The following MEGF8 variants were observed in gnomAD, a reference collection of about 807,000 sequenced individuals.
MEGF8 encodes multiple EGF like domains 8, also known as multiple epidermal growth factor-like domains protein 8.
A neutral mutation model predicts 302.9 loss-of-function variants in MEGF8; 156 were observed. The ratio of observed to expected loss-of-function variants is 0.52; its 90% confidence interval spans 0.45 to 0.59. The LOEUF is 0.59. MEGF8 is among the 20% of genes least tolerant of loss of function. MEGF8 has a pLI of 0.00. For synonymous variants in MEGF8, 1,621 were observed against 1,660.5 expected, an observed-to-expected ratio of 0.98 and a Z score of 0.58; for missense variants, 3,345 against 3,964.5, an observed-to-expected ratio of 0.84 and a Z score of 4.20.
In MEGF8 at chr19:42,375,460, G is replaced by T. The variant is rs1160373236; in HGVS notation, c.7270-47G>T. The T allele has an allele frequency of 6.7e-7, 1 of 1,496,082 alleles. No homozygotes were observed. Among genetic ancestry groups the T allele is most frequent in the African/African-American group, 1.4e-5 (1 of 71,886 alleles). The allele number at this position is 1,496,082 out of a possible 1,614,324, so 92.7% of individuals were successfully genotyped here. On this transcript the variant is annotated intron_variant, in intron 41 of 41. Coordinates refer to ENST00000251268, the MANE Select transcript of MEGF8 (RefSeq NM_001271938.2). This position sits in a 1 kb window ranked among gnomAD's most constrained non-coding sequence, Gnocchi z 7.1. ...TCACTGCTGCTTGGGGGACAGGCTG[G>T]CACCGCACTCAGCCCTGATGGTCAC...
chr19:42,366,333 T>G (rs922136646), intron 35 of MEGF8, among the ~76,000 whole-genome samples: 2 of 152,134 alleles, frequency 1.3e-5, no homozygotes, highest in African/African-American at 4.8e-5. Flanking sequence ...CCCAAGCATC[T>G]GGGACTATAG....
rs1442705922 is a variant in MEGF8 at position 42,362,449 on chromosome 19, G to A, written c.5910G>A (p.Gly1970=). ...AAGGTGCTTGCATTGGACGCAATGG[G>A]TCCTGCACCTCTGAGAATGACTGTC... ...CPEGACIGRN[G]SCTSENDCRI... Residue 1970 remains glycine (G), a synonymous_variant, in exon 34 of 42, where the codon GGG becomes GGA. Transcript: ENST00000251268. 6.2e-7 allele frequency: 1 copy of A among 1,614,000 alleles called. No homozygotes were observed. The highest frequency in any genetic ancestry group is 8.5e-7 in the Non-Finnish European group (1 of 1,179,892).
At position 42,370,325 on chromosome 19, in the gene MEGF8, G is replaced by A. The variant is rs377068929; in HGVS notation, c.6971G>A (p.Gly2324Glu). 369 of 1,601,048 alleles carry A rather than the reference G, an allele frequency of 2.3e-4. No homozygotes were observed. The highest frequency in any genetic ancestry group is 2.9e-4 in the Non-Finnish European group (336 of 1,173,434). ...AGGAAGGAGTTACAAATGTCCAAGG[G>A]AGAGCCAAAGAAGTACTCACTGGAC... ...ISRKELQMSK[G>E]EPKKYSLDPE... The change falls in exon 39 of 42, where the codon GGA becomes GAA. Residue 2324 changes from glycine to glutamate, a missense_variant. Transcript: ENST00000251268.
intron 5 of MEGF8, 70 bp downstream of exon 5, chr19:42,335,455 G>T: frequency 7.1e-7 from 1 of 1,414,044 alleles, no homozygotes; most frequent in Non-Finnish European, 1.0e-6. Context: ...CCCCCGGAAT[G>T]ATCCCCTATC....
Position 42,337,090 on chromosome 19 carries a change from A to T in MEGF8, c.1397A>T (p.Asn466Ile). ...LGNYMVVYGG[N>I]VHTHYQEEKC... ...CCCTTTCCTCCATTCCCAGGGGGCA[A>T]TGTGCACACCCATTACCAGGAGGAA... The change falls in exon 8 of 42, where the codon AAT becomes ATT. Residue 466 changes from asparagine (N) to isoleucine (I), a missense_variant. Asn to Ile is a moderately radical substitution (Grantham distance 149, BLOSUM62 -3). Transcript: ENST00000251268. The T allele has an allele frequency of 6.2e-7, 1 of 1,613,940 alleles. No homozygotes were observed. Among genetic ancestry groups the T allele is most frequent in the African/African-American group, 1.3e-5 (1 of 75,028 alleles).
chr19:42,355,185 G>A (rs2039433293), intron 23 of MEGF8, among the ~76,000 whole-genome samples: 1 of 152,114 alleles, frequency 6.6e-6, no homozygotes, highest in Non-Finnish European at 1.5e-5. Context: ...TTGAACTCCT[G>A]ACCTCAAGTG....
rs1427827053 is a variant in MEGF8, at chr19:42,357,603, AG to A, written c.5011+23del. 2.5e-6 allele frequency: 4 copies of A among 1,571,554 alleles called. No individual in the cohort carries two copies. Among genetic ancestry groups the A allele is most frequent in the Non-Finnish European group, 3.4e-6 (4 of 1,160,278 alleles). ...CCCACAGGTGGGGCTGGGGACCGGG[AG>A]GGGACAGCCCCCGTGGACCTCCCGG... On this transcript the variant is annotated intron_variant, in intron 28 of 41. Transcript: ENST00000251268. This position sits in a 1 kb window ranked among gnomAD's most constrained non-coding sequence, Gnocchi z 5.2.
At position 42,326,094 on chromosome 19, in the gene MEGF8, C is replaced by A; in HGVS notation, c.-150C>A. The A allele has an allele frequency of 7.7e-7, 1 of 1,293,896 alleles. No homozygotes were observed. Among genetic ancestry groups the A allele is most frequent in the Non-Finnish European group, 1.0e-6 (1 of 1,000,212 alleles). The allele number at this position is 1,293,896 out of a possible 1,614,324, so 80.2% of individuals were successfully genotyped here. A position where few individuals can be genotyped will look rare whatever the true frequency, so the allele number is the denominator to read the frequency against. Reference sequence around the variant, plus strand: ...TGTCAGCAGTGGCCGTACCCTTCGCCGGGACTGCCGGGTCTCCGGGACCTC... The same window carrying A: ...TGTCAGCAGTGGCCGTACCCTTCGCAGGGACTGCCGGGTCTCCGGGACCTC... On this transcript the variant is annotated 5_prime_UTR_variant, in exon 1 of 42. Transcript: ENST00000251268.
At chr19:42,334,746 C>T (rs563235182) in intron 3 of MEGF8, among the ~76,000 whole-genome samples, 1 of 152,252 alleles carries the variant, frequency 6.6e-6, no homozygotes, top group East Asian at 1.9e-4. Context: ...TGCATCTTTT[C>T]CTTTTTCTGT....
rs760920640 is a variant in MEGF8 at position 42,370,674 on chromosome 19, A to G, written c.7006-27A>G. 10 of 1,583,958 alleles carry G rather than the reference A, an allele frequency of 6.3e-6. No homozygotes were observed. In the South Asian group the frequency reaches 8.1e-5, roughly 13 times the overall value. On this transcript the variant is annotated intron_variant, in intron 39 of 41. Coordinates refer to ENST00000251268, the MANE Select transcript of MEGF8 (RefSeq NM_001271938.2). ...GGAGGGGGTTGGTCCAGGCCTTTCT[A>G]TGATCACACTGTCCTTCCTTGGCCA...
At chr19:42,334,873 C>G (rs528209366) in intron 3 of MEGF8, among the ~76,000 whole-genome samples, 162 bp from the exon 4 acceptor site, 31 of 152,164 alleles carry the variant, frequency 2.0e-4, no homozygotes, top group African/African-American at 7.5e-4. Context: ...CTTTCTCTCT[C>G]TCTCTTTCCT....
At position 42,351,704 on chromosome 19, in the gene MEGF8, G is replaced by T; in HGVS notation, c.3044G>T (p.Cys1015Phe). The T allele has an allele frequency of 6.3e-7, 1 of 1,596,314 alleles. No individual in the cohort carries two copies. The highest frequency in any genetic ancestry group is 8.5e-7 in the Non-Finnish European group (1 of 1,171,962). ...GATGGCTTCCTGACCTGCCATGAGT[G>T]TCTGCAGAGCCACGAGTGTGGCTGG... ...SCDGFLTCHE[C>F]LQSHECGWCG... The change falls in exon 18 of 42, where the codon TGT (cysteine) becomes TTT (phenylalanine). Residue 1015 changes from cysteine to phenylalanine, a missense_variant. Cys to Phe is a radical substitution (Grantham distance 205). Transcript: ENST00000251268. The surrounding 1 kb of genome is among the most constrained non-coding windows in gnomAD (Gnocchi z 5.6).
chr19:42,356,273 A>G lies in MEGF8; in HGVS notation c.4504-62A>G, dbSNP rs1383677003. 1.3e-6 allele frequency: 2 copies of G among 1,554,442 alleles called. No individual in the cohort carries two copies. Among genetic ancestry groups the G allele is most frequent in the African/African-American group, 1.4e-5 (1 of 73,318 alleles). On this transcript the variant is annotated intron_variant, in intron 25 of 41. Transcript: ENST00000251268. This position sits in a 1 kb window ranked among gnomAD's most constrained non-coding sequence, Gnocchi z 5.2. The stretch of plus-strand genomic sequence containing the variant: ...CCTCCATTCCTGGGACCACCCCTAC[A>G]CCCAGGCCTGGCACTTTGTCCTGAC...
At position 42,357,706 on chromosome 19, in the gene MEGF8, A is replaced by G. The variant is rs946737498; in HGVS notation, c.5011+122A>G. On this transcript the variant is annotated intron_variant, in intron 28 of 41. Transcript: ENST00000251268. The surrounding 1 kb of genome is among the most constrained non-coding windows in gnomAD (Gnocchi z 5.2). Reference sequence around the variant, plus strand: ...CTGTCTCCCTCTCTTTCCCATCCCCATGCAGATTCTCAGGGCACCCTCTTG... The same window carrying G: ...CTGTCTCCCTCTCTTTCCCATCCCCGTGCAGATTCTCAGGGCACCCTCTTG... The G allele has an allele frequency of 3.4e-6, 3 of 888,730 alleles. No homozygotes were observed. Among genetic ancestry groups the G allele is most frequent in the African/African-American group, 1.7e-5 (1 of 59,046 alleles). The allele number at this position is 888,730 out of a possible 1,614,324, so 55.1% of individuals were successfully genotyped here.
intron 41 of MEGF8, among the ~76,000 whole-genome samples, chr19:42,372,652 A>AT (rs886414872): frequency 8.8e-4 from 131 of 149,454 alleles, no homozygotes; most frequent in African/African-American, 2.9e-3. Context: ...CTGCTTTTTT[A>AT]TTTTTTTTTT....
rs1365093429 is a variant in MEGF8 at position 42,326,531 on chromosome 19, C to G, written c.187+101C>G. 5 of 1,433,324 alleles carry G rather than the reference C, an allele frequency of 3.5e-6. No individual in the cohort carries two copies. In the African/African-American group the frequency reaches 6.1e-5, roughly 17 times the overall value. The allele number at this position is 1,433,324 out of a possible 1,614,324, so 88.8% of individuals were successfully genotyped here. A position where few individuals can be genotyped will look rare whatever the true frequency, so the allele number is the denominator to read the frequency against. Reference sequence around the variant, plus strand: ...TCCCAGAGCTCGGTTCTGGTCCAGGCCTTTTGCTCTAAAATGCCTGACACC... The same window carrying G: ...TCCCAGAGCTCGGTTCTGGTCCAGGGCTTTTGCTCTAAAATGCCTGACACC... On this transcript the variant is annotated intron_variant, in intron 1 of 41. Transcript: ENST00000251268.
chr19:42,363,323 C>T (rs1000179704), intron 35 of MEGF8, 61 bp downstream of exon 35: 11 of 1,404,828 alleles, frequency 7.8e-6, no homozygotes, highest in Middle Eastern at 2.0e-4. Context: ...CTCCTCTCTG[C>T]GCTGGCAGGG....
rs765604331 is a variant in MEGF8 at position 42,336,362 on chromosome 19, C to G, written c.1244+16C>G. Reference sequence around the variant, plus strand: ...CCACTGCCCGGTAAGTGACCTGTCCCATAACCCATGCTCCACAGGCCAGGC... The same window carrying G: ...CCACTGCCCGGTAAGTGACCTGTCCGATAACCCATGCTCCACAGGCCAGGC... On this transcript the variant is annotated intron_variant, in intron 6 of 41. Transcript: ENST00000251268. The surrounding 1 kb of genome is among the most constrained non-coding windows in gnomAD (Gnocchi z 4.8). 6.4e-7 allele frequency: 1 copy of G among 1,573,000 alleles called. No individual in the cohort carries two copies. Among genetic ancestry groups the G allele is most frequent in the Non-Finnish European group, 8.6e-7 (1 of 1,160,300 alleles).
At position 42,358,196 on chromosome 19, in the gene MEGF8, GT is replaced by G; in HGVS notation, c.5067del (p.Phe1689LeufsTer41). The G allele has an allele frequency of 1.2e-6, 2 of 1,603,066 alleles. No individual in the cohort carries two copies. The highest frequency in any genetic ancestry group is 1.7e-6 in the Non-Finnish European group (2 of 1,175,208). ...YHEATDSLYVFGGFRFHVELA... is the reference protein window; with the variant it reads ...YHEATDSLYVXGGFRFHVELA... ...ACGAGGCCACCGACTCCCTCTACGTGTTTGGGGGGTTCCGATTCCATGTGGA... is the reference window on the plus strand; with the variant it reads ...ACGAGGCCACCGACTCCCTCTACGTGTTGGGGGGTTCCGATTCCATGTGGA... On this transcript the variant is annotated frameshift_variant, in exon 29 of 42. Transcript: ENST00000251268. LOFTEE classifies it high-confidence loss of function. This position sits in a 1 kb window ranked among gnomAD's most constrained non-coding sequence, Gnocchi z 4.4.
Sources: gnomAD v4.1 joint callset for allele counts (sites outside exome capture counted in the v4.1 genomes callset) on GRCh38, gnomAD v4.1.1 for gene constraint, Gnocchi (gnomAD v3.1) non-coding constraint, MANE v1.5 for transcripts, NCBI Gene and HGNC (gene_info 2026-07-23, HGNC 2026-07-21) for gene names.